GPC5: variants seen among roughly 807,000 people sequenced by gnomAD.
The protein encoded by GPC5 is glypican 5.
A neutral mutation model predicts 53.9 loss-of-function variants in GPC5; 47 were observed. That is an observed-to-expected ratio of 0.87 (90% CI 0.69 to 1.11). The LOEUF (loss-of-function observed/expected upper bound fraction) is 1.11, where lower values mean the gene tolerates loss of function less well. Among genes scored for constraint, GPC5 ranks in the 50% most tolerant of loss-of-function variants. The probability of loss-of-function intolerance (pLI) is 0.00; values close to 1 mark genes in which losing one functional copy is unlikely to be tolerated. For synonymous variants in GPC5, 286 were observed against 263.3 expected, an observed-to-expected ratio of 1.09 and a Z score of -0.84; for missense variants, 748 against 713.1, an observed-to-expected ratio of 1.05 and a Z score of -0.56.
At chr13:91,596,441 T>C (rs2032997359) in intron 2 of GPC5, among the ~76,000 whole-genome samples, 1 of 152,230 alleles carries the variant, frequency 6.6e-6, no homozygotes, top group East Asian at 1.9e-4. Context: ...TTCCTGACAA[T>C]TATAATACAC....
chr13:92,767,449 C>T (rs546894189), intron 7 of GPC5, among the ~76,000 whole-genome samples: 1 of 152,184 alleles, frequency 6.6e-6, no homozygotes, highest in African/African-American at 2.4e-5. Flanking sequence ...TCAGCCTGGG[C>T]GACATAGCAA....
At chr13:92,281,441 A>C (rs1239101762) in intron 7 of GPC5, among the ~76,000 whole-genome samples, 2 of 152,230 alleles carry the variant, frequency 1.3e-5, no homozygotes, top group Non-Finnish European at 2.9e-5. Context: ...GAACAGACAG[A>C]CTGCCTCCTC....
chr13:91,922,394 T>C (rs995969180), intron 6 of GPC5, among the ~76,000 whole-genome samples: 2 of 152,180 alleles, frequency 1.3e-5, no homozygotes, highest in Non-Finnish European at 2.9e-5. Context: ...CATCTTCTAA[T>C]TGCTCCCCTT....
chr13:91,478,758 T>C (rs560451948), intron 2 of GPC5, among the ~76,000 whole-genome samples: 4 of 143,822 alleles, frequency 2.8e-5, no homozygotes, highest in Admixed American at 1.4e-4. Flanking sequence ...TCACTAGCAA[T>C]GTGGCTTTGG....
intron 7 of GPC5, among the ~76,000 whole-genome samples, chr13:92,394,172 C>A (rs1386882480): frequency 6.6e-6 from 1 of 152,064 alleles, no homozygotes; most frequent in Admixed American, 6.6e-5. Flanking sequence ...TCCAAAGATT[C>A]AATCATCTAA....
At chr13:91,466,546 A>T (rs777670517) in intron 2 of GPC5, among the ~76,000 whole-genome samples, 1 of 152,172 alleles carries the variant, frequency 6.6e-6, no homozygotes, top group African/African-American at 2.4e-5. Context: ...TTAGGATTCC[A>T]GGTCATTTCT....
At chr13:91,544,924 T>C (rs9523357) in intron 2 of GPC5, among the ~76,000 whole-genome samples, 117,107 of 152,026 alleles carry the variant, frequency 0.77, 45,743 homozygotes, top group East Asian at 1. Context: ...GGCTCACTCA[T>C]GTGGTTGTTG....
At chr13:92,866,191 T>C (rs535672649) in intron 7 of GPC5, 91 bp from the exon 8 acceptor site, 21 of 1,124,472 alleles carry the variant, frequency 1.9e-5, no homozygotes, top group African/African-American at 3.2e-5. Flanking sequence ...CCAAAAACAA[T>C]GCTGTCCACA....
intron 7 of GPC5, among the ~76,000 whole-genome samples, chr13:92,650,296 C>G (rs182142020): frequency 1.2e-4 from 18 of 152,164 alleles, no homozygotes; most frequent in African/African-American, 4.3e-4. Flanking sequence ...ACTCATTTTC[C>G]ATTTGATATC....
chr13:91,644,004 A>T (rs1017062471), intron 2 of GPC5, among the ~76,000 whole-genome samples: 1 of 151,034 alleles, frequency 6.6e-6, no homozygotes, highest in South Asian at 2.1e-4. Flanking sequence ...ATTAAAATTC[A>T]TATGTTAAGA....
intron 2 of GPC5, among the ~76,000 whole-genome samples, chr13:91,632,422 T>C (rs1163082241): frequency 6.6e-6 from 1 of 152,124 alleles, no homozygotes; most frequent in Non-Finnish European, 1.5e-5. Flanking sequence ...AAGATTGGTT[T>C]ATCTATTCAC....
At position 91,438,861 on chromosome 13, in the gene GPC5, C is replaced by T. The variant is rs183688674; in HGVS notation, c.164-9900C>T. ...TTACCTACTCAAGCGTCGGTAATGGCGGGCGCCCCTCCCCCAGCCTCGCTG... is the reference window on the plus strand; with the variant it reads ...TTACCTACTCAAGCGTCGGTAATGGTGGGCGCCCCTCCCCCAGCCTCGCTG... On this transcript the variant is annotated intron_variant, in intron 1 of 7. Coordinates refer to ENST00000377067, the MANE Select transcript of GPC5 (RefSeq NM_004466.6). 4.1e-3 allele frequency among the ~76,000 whole-genome samples: 626 copies of T among 152,294 alleles called. 2 individuals carry two copies. The highest frequency in any genetic ancestry group is 8.5e-3 in the African/African-American group (352 of 41,574).
At chr13:92,825,073 C>T (rs555223254) in intron 7 of GPC5, among the ~76,000 whole-genome samples, 20 of 152,072 alleles carry the variant, frequency 1.3e-4, no homozygotes, top group African/African-American at 3.6e-4. Context: ...AAAAAGTCTC[C>T]GGGAAAGGGA....
At chr13:92,423,221 T>C (rs963119080) in intron 7 of GPC5, among the ~76,000 whole-genome samples, 1 of 152,206 alleles carries the variant, frequency 6.6e-6, no homozygotes, top group African/African-American at 2.4e-5. Flanking sequence ...GCCATCACGC[T>C]GAAGATTAGG....
chr13:92,016,721 TTTC>T (rs1293959614), intron 6 of GPC5, among the ~76,000 whole-genome samples: 1 of 134,264 alleles, frequency 7.4e-6, no homozygotes, highest in Non-Finnish European at 1.6e-5. Flanking sequence ...CTTATTTTCT[TTTC>T]TTCTTTTTTT....
At chr13:92,212,167 G>C (rs1266490153) in intron 7 of GPC5, among the ~76,000 whole-genome samples, 2 of 152,010 alleles carry the variant, frequency 1.3e-5, no homozygotes, top group Non-Finnish European at 2.9e-5. Context: ...ATGCCATGCA[G>C]TTAGACAGGA....
At chr13:92,570,623 G>T (rs1015337263) in intron 7 of GPC5, among the ~76,000 whole-genome samples, 2 of 151,924 alleles carry the variant, frequency 1.3e-5, no homozygotes, top group African/African-American at 2.4e-5. Context: ...ATTAATTAAT[G>T]TTATTAATAT....
At chr13:92,188,183 C>T (rs1418131487) in intron 7 of GPC5, among the ~76,000 whole-genome samples, 3 of 152,160 alleles carry the variant, frequency 2.0e-5, no homozygotes, top group African/African-American at 7.2e-5. Flanking sequence ...ATTTAAACAC[C>T]TGATTTTTAA....
At chr13:92,243,486 T>C (rs1325986869) in intron 7 of GPC5, among the ~76,000 whole-genome samples, 1 of 152,098 alleles carries the variant, frequency 6.6e-6, no homozygotes, top group Admixed American at 6.6e-5. Flanking sequence ...TAGGTTATTG[T>C]CAATAGAAAC....
Sources: allele counts gnomAD v4.1 joint callset (sites outside exome capture counted in the v4.1 genomes callset), GRCh38; gene constraint gnomAD v4.1.1; transcripts MANE v1.5; gene names NCBI Gene and HGNC (gene_info 2026-07-23, HGNC 2026-07-21).